Variants in KLHL22 observed in about 807,000 individuals in gnomAD.
KLHL22 encodes the protein kelch-like protein 22.
A neutral mutation model predicts 60.7 loss-of-function variants in KLHL22; 18 were observed. The observed-to-expected ratio is 0.30, with a 90% confidence interval of 0.20 to 0.44. KLHL22 has a LOEUF of 0.44. Among genes scored for constraint, KLHL22 ranks in the 20% least tolerant of loss-of-function variants. The pLI is 1.00. For synonymous variants in KLHL22, 355 were observed against 354.5 expected (o/e 1.00, Z -0.01); for missense variants, 596 against 852.3 (o/e 0.70, Z 3.74).
intron 2 of KLHL22, among the ~76,000 whole-genome samples, chr22:20,484,628 C>T (rs529198546): frequency 2.0e-5 from 3 of 151,724 alleles, no homozygotes; most frequent in African/African-American, 4.8e-5. Context: ...CATGGGGTTT[C>T]GTCACGTTGC....
At chr22:20,453,794 G>T (rs936157182) in intron 5 of KLHL22, among the ~76,000 whole-genome samples, 2 of 151,968 alleles carry the variant, frequency 1.3e-5, no homozygotes, top group Non-Finnish European at 2.9e-5. Flanking sequence ...GAGTGCAGTG[G>T]CGCAATCTCG....
intron 4 of KLHL22, among the ~76,000 whole-genome samples, chr22:20,458,754 C>T (rs1347674548): frequency 1.3e-5 from 2 of 152,124 alleles, no homozygotes; most frequent in South Asian, 2.1e-4. Flanking sequence ...GCTTTGTCAA[C>T]AGCCGCACAC....
At chr22:20,488,799 C>T in intron 2 of KLHL22, 186 bp downstream of exon 2, 3 of 600,312 alleles carry the variant, frequency 5.0e-6, no homozygotes, top group Admixed American at 2.9e-5. Context: ...AACAGGATCA[C>T]TGAATGAAAA....
At chr22:20,455,675 G>A (rs1469554172) in intron 5 of KLHL22, among the ~76,000 whole-genome samples, 4 of 152,192 alleles carry the variant, frequency 2.6e-5, no homozygotes, top group South Asian at 2.1e-4. Flanking sequence ...AGCCTGTGTT[G>A]TATAGTTTGC....
In KLHL22 at chr22:20,465,738, G is replaced by A. The variant is rs890863946; in HGVS notation, c.394-162C>T. Reference sequence around the variant, plus strand: ...CTTTTCTGACACACTGGAGACTGGGGCTTACTGCAGACTAGGTTTAAGTCC... The same window carrying A: ...CTTTTCTGACACACTGGAGACTGGGACTTACTGCAGACTAGGTTTAAGTCC... On this transcript the variant is annotated intron_variant, in intron 3 of 6. Coordinates refer to ENST00000328879, the MANE Select transcript of KLHL22 (RefSeq NM_032775.4). This position sits in a 1 kb window ranked among gnomAD's most constrained non-coding sequence, Gnocchi z 4.9. The A allele has an allele frequency of 1.1e-5, 7 of 621,914 alleles. No individual in the cohort carries two copies. The highest frequency in any genetic ancestry group is 3.7e-5 in the African/African-American group (2 of 54,570). 38.5% of individuals were successfully genotyped at this position (621,914 alleles called of 1,614,324 possible).
intron 1 of KLHL22, among the ~76,000 whole-genome samples, chr22:20,490,314 A>C (rs2053663806): frequency 6.6e-6 from 1 of 152,230 alleles, no homozygotes; most frequent in Admixed American, 6.5e-5. Context: ...CAGTGTGTGA[A>C]CATCAAAGGG....
At chr22:20,472,451 C>T (rs759306069) in intron 2 of KLHL22, among the ~76,000 whole-genome samples, 9 of 152,186 alleles carry the variant, frequency 5.9e-5, no homozygotes, top group African/African-American at 1.4e-4. Flanking sequence ...ATTGGCCGGG[C>T]GTGGTGGCTC....
Position 20,442,249 on chromosome 22 carries a change from G to C in KLHL22, c.1729C>G (p.Pro577Ala). Residue 577 changes from proline to alanine, a missense_variant, in exon 7 of 7, where the codon CCC (proline) becomes GCC (alanine). Transcript: ENST00000328879. ...DVEKDCWEEG[P>A]QLDNSISGLA... is the part of the protein sequence containing the mutation. ...CCTGAGATGGAGTTGTCCAGCTGGGGCCCTTCCTCCCAGCAGTCCTTCTCC... is the reference window on the plus strand; with the variant it reads ...CCTGAGATGGAGTTGTCCAGCTGGGCCCCTTCCTCCCAGCAGTCCTTCTCC... The C allele has an allele frequency of 6.2e-7, 1 of 1,613,038 alleles. No homozygotes were observed. The highest frequency in any genetic ancestry group is 1.3e-5 in the African/African-American group (1 of 75,050).
At chr22:20,478,523 T>C (rs1356487975) in intron 2 of KLHL22, among the ~76,000 whole-genome samples, 1 of 131,540 alleles carries the variant, frequency 7.6e-6, no homozygotes, top group Non-Finnish European at 1.6e-5. Context: ...TTTTTTTTTT[T>C]TTTTTTTTTG....
intron 2 of KLHL22, among the ~76,000 whole-genome samples, chr22:20,474,723 G>T (rs1042618518): frequency 3.9e-5 from 6 of 152,210 alleles, no homozygotes; most frequent in African/African-American, 1.4e-4. Context: ...CATTTCTACA[G>T]GGGTATATTT....
chr22:20,472,886 T>C (rs377521804), intron 2 of KLHL22, among the ~76,000 whole-genome samples: 139 of 152,094 alleles, frequency 9.1e-4, no homozygotes, highest in African/African-American at 3.3e-3. Context: ...TGAGAGGGTG[T>C]AGGCAGCCGG....
At position 20,464,967 on chromosome 22, in the gene KLHL22, G is replaced by A; in HGVS notation, c.1003C>T (p.Leu335=). Residue 335 remains leucine, a synonymous_variant, in exon 4 of 7, where the codon CTG becomes TTG. Coordinates refer to ENST00000328879, the MANE Select transcript of KLHL22 (RefSeq NM_032775.4). The part of the protein sequence containing the change: ...LGEWKHFTAS[L]APRMSNQGIA... ...CCCTGGTTGGACATGCGGGGGGCCA[G>A]GGAGGCAGTGAAGTGCTTCCACTCT... is the stretch of plus-strand genomic sequence containing the variant. 1.2e-6 allele frequency: 2 copies of A among 1,609,998 alleles called. No individual in the cohort carries two copies. Among genetic ancestry groups the A allele is most frequent in the Non-Finnish European group, 1.7e-6 (2 of 1,177,910 alleles).
At chr22:20,493,174 C>A (rs2053717911) in intron 1 of KLHL22, 4 of 471,188 alleles carry the variant, frequency 8.5e-6, no homozygotes, top group South Asian at 6.2e-5. Flanking sequence ...AGTGCCTCTG[C>A]TCTCTTGGGA....
At chr22:20,475,269 T>A (rs1384004109) in intron 2 of KLHL22, 1 of 151,726 alleles carries the variant, frequency 6.6e-6, no homozygotes, top group Non-Finnish European at 1.5e-5. Context: ...TCTGTGACTG[T>A]GAACAATCAA....
chr22:20,475,681 A>G (rs1372431662), intron 2 of KLHL22, among the ~76,000 whole-genome samples: 1 of 151,740 alleles, frequency 6.6e-6, no homozygotes, highest in Non-Finnish European at 1.5e-5. Context: ...CCTGCCTCCC[A>G]GCCTCCCGAG....
chr22:20,483,979 C>A, intron 2 of KLHL22: 1 of 699,774 alleles, frequency 1.4e-6, no homozygotes, highest in Non-Finnish European at 2.6e-6. Context: ...ATCCAGGAAC[C>A]AGAGCCCTCG....
At chr22:20,445,186 ATGCT>A (rs2052837728) in intron 6 of KLHL22, among the ~76,000 whole-genome samples, 1 of 150,912 alleles carries the variant, frequency 6.6e-6, no homozygotes. Flanking sequence ...CTGATTATGA[ATGCT>A]TTTCCTCACC....
rs1351803215 is a variant in KLHL22 at position 20,446,511 on chromosome 22, G to A, written c.1471C>T (p.Leu491Phe). 1 of 1,613,298 alleles carries A rather than the reference G, an allele frequency of 6.2e-7. No individual in the cohort carries two copies. The highest frequency in any genetic ancestry group is 8.5e-7 in the Non-Finnish European group (1 of 1,180,000). Residue 491 changes from leucine (L) to phenylalanine (F), a missense_variant, in exon 6 of 7, where the codon CTC becomes TTC. Coordinates refer to ENST00000328879, the MANE Select transcript of KLHL22 (RefSeq NM_032775.4). The stretch of plus-strand genomic sequence containing the variant: ...CCGATCACATACAGCTTGTTGAGGA[G>A]GGTTGCCATGCCGTGCCAGGCGCGC... ...VRRAWHGMATLLNKLYVIGGS... is the reference protein window; with the variant it reads ...VRRAWHGMATFLNKLYVIGGS...
Position 20,465,355 on chromosome 22 carries a change from C to T in KLHL22, c.615G>A (p.Leu205=), listed in dbSNP as rs1475458106. ...KVYSLLSSNR[L]EVSCETEVYE... is the part of the protein sequence containing the mutation. ...ATACCTCGGTCTCGCAGGAGACCTCCAGGCGATTGCTGCTGAGGAGGGAGT... is the reference window on the plus strand; with the variant it reads ...ATACCTCGGTCTCGCAGGAGACCTCTAGGCGATTGCTGCTGAGGAGGGAGT... Residue 205 remains leucine, a synonymous_variant, in exon 4 of 7, where the codon CTG becomes CTA. Transcript: ENST00000328879. This position sits in a 1 kb window ranked among gnomAD's most constrained non-coding sequence, Gnocchi z 4.9. The T allele has an allele frequency of 1.9e-6, 3 of 1,614,080 alleles. No homozygotes were observed. The highest frequency in any genetic ancestry group is 1.1e-5 in the South Asian group (1 of 91,084).
Sources: allele counts gnomAD v4.1 joint callset (sites outside exome capture counted in the v4.1 genomes callset), GRCh38; gene constraint gnomAD v4.1.1; non-coding constraint Gnocchi (gnomAD v3.1); transcripts MANE v1.5; gene names NCBI Gene and HGNC (gene_info 2026-07-23, HGNC 2026-07-21).